The following RPL26 variants were observed in gnomAD, a reference collection of about 807,000 sequenced individuals.
RPL26 encodes ribosomal protein L26.
In RPL26, 1 loss-of-function variant was observed where a neutral mutation model predicts 16.2. That is an observed-to-expected ratio of 0.06 (90% CI 0.02 to 0.29). The LOEUF (loss-of-function observed/expected upper bound fraction) is 0.29, where lower values mean the gene tolerates loss of function less well. RPL26 is among the 10% of genes least tolerant of loss of function. RPL26 has a pLI of 1.00. For missense variants in RPL26, 102 were observed against 184.3 expected (o/e 0.55, Z 2.58); for synonymous variants, 55 against 62.4 (o/e 0.88, Z 0.56).
chr17:8,382,427 T>C (rs1597496582), intron 1 of RPL26, 112 bp from the exon 2 acceptor site: 4 of 757,282 alleles, frequency 5.3e-6, no homozygotes, highest in Non-Finnish European at 8.5e-6. Flanking sequence ...GGCAGTGTCA[T>C]GTTGTGCAAC....
chr17:8,383,069 G>C (rs1788314678), intron 1 of RPL26, 88 bp downstream of exon 1: 1 of 398,510 alleles, frequency 2.5e-6, no homozygotes, highest in Non-Finnish European at 4.4e-6. Context: ...CGGCCGACAA[G>C]AGACTCTCGG....
intron 1 of RPL26, 93 bp downstream of exon 1, chr17:8,383,064 G>T (rs1907503656): frequency 2.5e-6 from 1 of 398,530 alleles, no homozygotes. Context: ...CTACTCGGCC[G>T]ACAAGAGACT....
intron 3 of RPL26, among the ~76,000 whole-genome samples, chr17:8,378,504 A>T (rs1200565739): frequency 6.7e-6 from 1 of 150,042 alleles, no homozygotes; most frequent in Non-Finnish European, 1.5e-5. Context: ...AACAAAAAAA[A>T]CCCCACCCCC....
At chr17:8,381,425 T>G (rs1253813629) in intron 2 of RPL26, 2 of 152,218 alleles carry the variant, frequency 1.3e-5, no homozygotes, top group African/African-American at 2.4e-5. Flanking sequence ...CCCAAAGCAA[T>G]GTTCTGATTA....
At chr17:8,378,329 C>CCAT (rs1312054191) in intron 3 of RPL26, among the ~76,000 whole-genome samples, 1 of 151,942 alleles carries the variant, frequency 6.6e-6, no homozygotes, top group Non-Finnish European at 1.5e-5. Context: ...AATCGAGACT[C>CCAT]CATCTCAAAA....
intron 2 of RPL26, chr17:8,380,600 C>T (rs944584868): frequency 6.6e-6 from 1 of 152,184 alleles, no homozygotes; most frequent in Non-Finnish European, 1.5e-5. Flanking sequence ...TAAGTGCAAA[C>T]GATAACGTGA....
chr17:8,377,718 T>C, intron 3 of RPL26, 26 bp from the exon 4 acceptor site: 5 of 1,589,932 alleles, frequency 3.1e-6, no homozygotes, highest in Non-Finnish European at 4.3e-6. Context: ...AAAAAAACAC[T>C]CCCAAGCTTT....
At chr17:8,382,440 C>G in intron 1 of RPL26, 125 bp from the exon 2 acceptor site, 2 of 678,728 alleles carry the variant, frequency 2.9e-6, no homozygotes, top group Non-Finnish European at 4.9e-6. Context: ...TGTGCAACTT[C>G]AACAAAAACT....
intron 2 of RPL26, among the ~76,000 whole-genome samples, chr17:8,380,416 G>A (rs6503110): frequency 0.92 from 139,756 of 152,292 alleles, 64,281 homozygotes; most frequent in African/African-American, 0.98. Flanking sequence ...CACACTGCTT[G>A]TTTGGGAACC....
chr17:8,378,972 T>G (rs1467943874), intron 3 of RPL26, among the ~76,000 whole-genome samples: 1 of 152,180 alleles, frequency 6.6e-6, no homozygotes, highest in Non-Finnish European at 1.5e-5. Flanking sequence ...GGCAGGAGAT[T>G]ATCAAGTTTC....
intron 3 of RPL26, among the ~76,000 whole-genome samples, chr17:8,378,288 G>A (rs1015445894): frequency 6.6e-6 from 1 of 152,178 alleles, no homozygotes; most frequent in African/African-American, 2.4e-5. Context: ...AGCTGAGATG[G>A]TGCTATTATT....
intron 2 of RPL26, among the ~76,000 whole-genome samples, chr17:8,381,604 C>A (rs969488883): frequency 6.6e-6 from 1 of 152,156 alleles, no homozygotes; most frequent in Non-Finnish European, 1.5e-5. Context: ...GCCATGACCA[C>A]GCAACTGCAC....
intron 2 of RPL26, chr17:8,380,193 T>A (rs2151673877): frequency 5.0e-6 from 2 of 400,296 alleles, no homozygotes; most frequent in South Asian, 6.1e-5. Context: ...CAGCAACAAA[T>A]GCTTAACGGA....
rs422679 is a variant in RPL26 at position 8,382,080 on chromosome 17, T to C, written c.168+63A>G. ...AAGCATCTTTCTCAGGAATGCAATC[T>C]CTCTTCTAAGCTAAGTGCGTAAAAT... On this transcript the variant is annotated intron_variant, in intron 2 of 3. Transcript: ENST00000648839. The C allele has an allele frequency of 0.65, 906,767 of 1,395,108 alleles. 298,206 individuals carry two copies. The highest frequency in any genetic ancestry group is 0.73 in the Admixed American group (40,370 of 55,102). 86.4% of individuals were successfully genotyped at this position (1,395,108 alleles called of 1,614,324 possible).
chr17:8,382,523 T>C, intron 1 of RPL26: 1 of 517,866 alleles, frequency 1.9e-6, no homozygotes, highest in Non-Finnish European at 3.4e-6. Flanking sequence ...GTTTTCTGTA[T>C]ATGTTTACGG....
intron 2 of RPL26, 137 bp downstream of exon 2, chr17:8,382,006 G>T: frequency 1.5e-6 from 1 of 670,412 alleles, no homozygotes; most frequent in Non-Finnish European, 2.6e-6. Context: ...ACTGTTTTTT[G>T]GTCCCTGGCT....
At chr17:8,382,747 C>T in intron 1 of RPL26, 1 of 320,510 alleles carries the variant, frequency 3.1e-6, no homozygotes, top group Non-Finnish European at 5.6e-6. Flanking sequence ...TACGTATAGC[C>T]CCGCCAAAAT....
intron 1 of RPL26, 93 bp from the exon 2 acceptor site, chr17:8,382,408 A>G (rs944118404): frequency 3.3e-6 from 3 of 911,504 alleles, no homozygotes; most frequent in Non-Finnish European, 1.7e-6. Flanking sequence ...ATAGTCTAGA[A>G]TGATCATAGG....
intron 2 of RPL26, chr17:8,381,931 C>CA (rs34005158): frequency 1.3e-3 from 422 of 315,246 alleles, no homozygotes; most frequent in African/African-American, 4.8e-3. Flanking sequence ...GACTTCATCT[C>CA]AAAAAAAAAA....
Sources: allele counts gnomAD v4.1 joint callset (sites outside exome capture counted in the v4.1 genomes callset), GRCh38; gene constraint gnomAD v4.1.1; transcripts MANE v1.5; gene names NCBI Gene and HGNC (gene_info 2026-07-23, HGNC 2026-07-21).